Variants in NUP153 observed in about 807,000 individuals in gnomAD.
NUP153 encodes the protein nucleoporin 153.
NUP153 carries 27 observed loss-of-function variants against 134.6 expected under a neutral mutation model. That is an observed-to-expected ratio of 0.20 (90% CI 0.15 to 0.28). The LOEUF is 0.28. Ranked by LOEUF, NUP153 falls within the 10% of genes least tolerant of loss-of-function variation. The pLI is 1.00. For synonymous variants in NUP153, 640 were observed against 623.5 expected (o/e 1.03, Z -0.40); for missense variants, 1,821 against 1,731.3 (o/e 1.05, Z -0.92).
At chr6:17,626,221 A>G (rs1012182535) in intron 18 of NUP153, 57 bp from the exon 19 acceptor site, 2 of 1,326,530 alleles carry the variant, frequency 1.5e-6, no homozygotes, top group Non-Finnish European at 2.1e-6. Flanking sequence ...CTCAGAAAGT[A>G]CTTTTTCCTA....
rs562853405 is a variant in NUP153, at chr6:17,643,404, G to A, written c.1720+2663C>T. ...CAAGAATCGCCTGAACCCAGGAGACGGAGGTTGCGGTGAGCTGAGATTGTG... is the reference window on the plus strand; with the variant it reads ...CAAGAATCGCCTGAACCCAGGAGACAGAGGTTGCGGTGAGCTGAGATTGTG... On this transcript the variant is annotated intron_variant, in intron 14 of 21. Transcript: ENST00000262077. Among the ~76,000 whole-genome samples the A allele has an allele frequency of 4.3e-4, 65 of 152,248 alleles. 1 individual carries two copies. Among genetic ancestry groups the A allele is most frequent in the Middle Eastern group, 3.4e-3 (1 of 294 alleles).
At chr6:17,671,255 T>C (rs566781284) in intron 5 of NUP153, among the ~76,000 whole-genome samples, 122 of 152,324 alleles carry the variant, frequency 8.0e-4, no homozygotes, top group Non-Finnish European at 1.5e-3. Context: ...GAAATAATAG[T>C]CTGTTGCTGT....
At chr6:17,632,157 C>G (rs1283968470) in intron 17 of NUP153, among the ~76,000 whole-genome samples, 1 of 152,058 alleles carries the variant, frequency 6.6e-6, no homozygotes, top group Non-Finnish European at 1.5e-5. Flanking sequence ...GTAAGTTCAT[C>G]TGGGCGCGGT....
At chr6:17,669,140 G>A (rs962716652) in intron 7 of NUP153, 112 bp from the exon 8 acceptor site, 89 of 1,013,892 alleles carry the variant, frequency 8.8e-5, no homozygotes, top group South Asian at 2.3e-4. Context: ...GTGCAGTGGC[G>A]CGATCTTGAC....
intron 14 of NUP153, among the ~76,000 whole-genome samples, chr6:17,641,442 G>A (rs1402678855): frequency 1.3e-5 from 2 of 151,796 alleles, no homozygotes; most frequent in African/African-American, 4.8e-5. Context: ...GGCTGAGGCA[G>A]GAGAATTGCT....
Position 17,637,454 on chromosome 6 carries a change from T to C in NUP153, c.2163A>G (p.Pro721=). 2 of 1,614,246 alleles carry C rather than the reference T, an allele frequency of 1.2e-6. No individual in the cohort carries two copies. The highest frequency in any genetic ancestry group is 4.5e-5 in the East Asian group (2 of 44,894). ...TATCACAATCCCAAGTGCCTATCACTGGTTTAAATTTGTCTCCAAAGCCTG... is the reference window on the plus strand; with the variant it reads ...TATCACAATCCCAAGTGCCTATCACCGGTTTAAATTTGTCTCCAAAGCCTG... The part of the protein sequence containing the change: ...SGTGFGDKFK[P]VIGTWDCDTC... The change falls in exon 16 of 22, where the codon CCA becomes CCG. Residue 721 remains proline, a synonymous_variant. Transcript: ENST00000262077.
chr6:17,629,581 T>C lies in NUP153; in HGVS notation c.2660-42A>G, dbSNP rs777783532. On this transcript the variant is annotated intron_variant, in intron 17 of 21. Coordinates refer to ENST00000262077, the MANE Select transcript of NUP153 (RefSeq NM_005124.4). ...GACACCACATAGACACTCAATGTAC[T>C]GATCCTCTCAAACAAAATGTAAACA... 3 of 1,513,106 alleles carry C rather than the reference T, an allele frequency of 2.0e-6. No homozygotes were observed. In the South Asian group the frequency reaches 4.1e-5, roughly 21 times the overall value. 93.7% of individuals were successfully genotyped at this position (1,513,106 alleles called of 1,614,324 possible).
In NUP153 at chr6:17,691,428, T is replaced by C. The variant is rs571023069; in HGVS notation, c.112-2810A>G. On this transcript the variant is annotated intron_variant, in intron 1 of 21. Transcript: ENST00000262077. ...ATACTAGTTACTTATCCCATTTCCATACTTCAAGACTTGAAAGTGTTTAAA... is the reference window on the plus strand; with the variant it reads ...ATACTAGTTACTTATCCCATTTCCACACTTCAAGACTTGAAAGTGTTTAAA... 3.3e-5 allele frequency among the ~76,000 whole-genome samples: 5 copies of C among 152,342 alleles called. No individual in the cohort carries two copies. The South Asian group carries it at 6.2e-4, about 19-fold the overall frequency.
intron 20 of NUP153, among the ~76,000 whole-genome samples, chr6:17,619,900 C>G (rs909072236): frequency 6.6e-6 from 1 of 151,942 alleles, no homozygotes; most frequent in African/African-American, 2.4e-5. Context: ...GAGTTCGAGA[C>G]CAGCGTGGCC....
At position 17,625,399 on chromosome 6, in the gene NUP153, G is replaced by A. The variant is rs915183863; in HGVS notation, c.3901+409C>T. On this transcript the variant is annotated intron_variant, in intron 19 of 21. Transcript: ENST00000262077. This position sits in a 1 kb window ranked among gnomAD's most constrained non-coding sequence, Gnocchi z 4.7. The stretch of plus-strand genomic sequence containing the variant: ...ACAAAAATTAGGTGGGTGTGGTGGC[G>A]GGCACCTGTAATCCCAGCTACTCAG... 5.3e-5 allele frequency among the ~76,000 whole-genome samples: 8 copies of A among 151,950 alleles called. No individual in the cohort carries two copies. The highest frequency in any genetic ancestry group is 1.0e-4 in the Non-Finnish European group (7 of 67,972).
intron 20 of NUP153, among the ~76,000 whole-genome samples, chr6:17,618,676 C>T (rs910140952): frequency 2.6e-5 from 4 of 151,860 alleles, no homozygotes; most frequent in Admixed American, 1.3e-4. Flanking sequence ...CGCCATTCTC[C>T]TGCCTCAGTC....
At chr6:17,634,950 G>A (rs1015620388) in intron 16 of NUP153, among the ~76,000 whole-genome samples, 2 of 147,358 alleles carry the variant, frequency 1.4e-5, no homozygotes, top group African/African-American at 5.1e-5. Context: ...ACTAGCAACA[G>A]CTGATGAGCT....
At position 17,637,619 on chromosome 6, in the gene NUP153, T is replaced by C; in HGVS notation, c.1998A>G (p.Thr666=). ...LKAGSSWQCD[T]CLLQNKVTDN... is the part of the protein sequence containing the mutation. Reference sequence around the variant, plus strand: ...CTGTAACTTTGTTCTGGAGTAGACATGTATCACACTGCCATGATGACCCAG... The same window carrying C: ...CTGTAACTTTGTTCTGGAGTAGACACGTATCACACTGCCATGATGACCCAG... Residue 666 remains threonine, a synonymous_variant, in exon 16 of 22, where the codon ACA becomes ACG. Coordinates refer to ENST00000262077, the MANE Select transcript of NUP153 (RefSeq NM_005124.4). 1 of 1,614,104 alleles carries C rather than the reference T, an allele frequency of 6.2e-7. No homozygotes were observed. Among genetic ancestry groups the C allele is most frequent in the Non-Finnish European group, 8.5e-7 (1 of 1,180,022 alleles).
rs754967251 is a variant in NUP153, at chr6:17,665,284, A to G, written c.1170T>C (p.Ser390=). ...SVYFKPSLTP[S]GEFRKTNQRI... Reference sequence around the variant, plus strand: ...TTTGATTAGTCTTCCTGAATTCACCAGAAGGAGTCAGAGATGGTTTAAAAT... The same window carrying G: ...TTTGATTAGTCTTCCTGAATTCACCGGAAGGAGTCAGAGATGGTTTAAAAT... Residue 390 remains serine, a synonymous_variant, in exon 9 of 22, where the codon TCT becomes TCC. Transcript: ENST00000262077. 1.9e-6 allele frequency: 3 copies of G among 1,611,482 alleles called. No individual in the cohort carries two copies. The highest frequency in any genetic ancestry group is 2.5e-6 in the Non-Finnish European group (3 of 1,177,652).
At chr6:17,699,637 GACC>G (rs1241362776) in intron 1 of NUP153, among the ~76,000 whole-genome samples, 8 of 151,948 alleles carry the variant, frequency 5.3e-5, no homozygotes, top group Non-Finnish European at 7.4e-5. Flanking sequence ...AGAAGTTTGA[GACC>G]ACCACACCAA....
intron 17 of NUP153, among the ~76,000 whole-genome samples, chr6:17,631,630 A>G (rs1249970335): frequency 6.6e-6 from 1 of 152,104 alleles, no homozygotes; most frequent in African/African-American, 2.4e-5. Flanking sequence ...ATCCTCACAC[A>G]TTTTCTCCTT....
At position 17,629,228 on chromosome 6, in the gene NUP153, T is replaced by C; in HGVS notation, c.2971A>G (p.Asn991Asp). 6.2e-7 allele frequency: 1 copy of C among 1,613,544 alleles called. No homozygotes were observed. Among genetic ancestry groups the C allele is most frequent in the South Asian group, 1.1e-5 (1 of 90,894 alleles). The change falls in exon 18 of 22, where the codon AAC (asparagine) becomes GAC (aspartate). Residue 991 changes from asparagine (N) to aspartate (D), a missense_variant. By Grantham distance (23) the Asn-to-Asp change is conservative (BLOSUM62 1). Coordinates refer to ENST00000262077, the MANE Select transcript of NUP153 (RefSeq NM_005124.4). ...FKFGLSSGLS[N>D]PVSLTPFQFG... ...TGAAATGGAGTTAAAGAAACTGGGTTGCTTAAACCAGAAGAAAGTCCAAAC... is the reference window on the plus strand; with the variant it reads ...TGAAATGGAGTTAAAGAAACTGGGTCGCTTAAACCAGAAGAAAGTCCAAAC...
chr6:17,704,344 C>G (rs1770331739), intron 1 of NUP153, among the ~76,000 whole-genome samples: 1 of 151,540 alleles, frequency 6.6e-6, no homozygotes, highest in Admixed American at 6.6e-5. Context: ...AATATTAATT[C>G]CCTTCTAACC....
chr6:17,669,458 G>C lies in NUP153; in HGVS notation c.941C>G (p.Ser314Cys). The C allele has an allele frequency of 1.9e-6, 3 of 1,613,802 alleles. No individual in the cohort carries two copies. The highest frequency in any genetic ancestry group is 2.5e-6 in the Non-Finnish European group (3 of 1,179,720). Residue 314 changes from serine (S) to cysteine (C), a missense_variant, in exon 6 of 22, where the codon TCT becomes TGT. Ser to Cys is a moderately radical substitution (Grantham distance 112, BLOSUM62 -1). Transcript: ENST00000262077. ...TSSTARRILQ[S>C]LEKMSSPLAD... Reference sequence around the variant, plus strand: ...TAAAGGGCTTGACATCTTCTCTAAAGACTGCAATATTCGCCGAGCTGTTGA... The same window carrying C: ...TAAAGGGCTTGACATCTTCTCTAAACACTGCAATATTCGCCGAGCTGTTGA...
Sources: gnomAD v4.1 joint callset for allele counts (sites outside exome capture counted in the v4.1 genomes callset) on GRCh38, gnomAD v4.1.1 for gene constraint, Gnocchi (gnomAD v3.1) non-coding constraint, MANE v1.5 for transcripts, NCBI Gene and HGNC (gene_info 2026-07-23, HGNC 2026-07-21) for gene names.